Variants in SGK2 observed in about 807,000 individuals in gnomAD.
SGK2 encodes the protein serum/glucocorticoid regulated kinase 2.
A neutral mutation model predicts 47.5 loss-of-function variants in SGK2; 36 were observed. That is an observed-to-expected ratio of 0.76 (90% CI 0.58 to 1.00). SGK2 has a LOEUF of 1.00. SGK2 is among the 50% of genes least tolerant of loss of function. The pLI is 0.00. For synonymous variants in SGK2, 157 were observed against 181.9 expected (o/e 0.86, Z 1.10); for missense variants, 404 against 467.4 (o/e 0.86, Z 1.25).
At chr20:43,581,330 TGGCTGC>T (rs1980785777) in intron 12 of SGK2, among the ~76,000 whole-genome samples, 1 of 152,174 alleles carries the variant, frequency 6.6e-6, no homozygotes, top group Non-Finnish European at 1.5e-5. Context: ...CAATTTTTAG[TGGCTGC>T]ATAATATTTC....
rs1282857735 is a variant in SGK2 at position 43,572,676 on chromosome 20, T to A, written c.597+539T>A. 6.6e-6 allele frequency among the ~76,000 whole-genome samples: 1 copy of A among 150,908 alleles called. No homozygotes were observed. Among genetic ancestry groups the A allele is most frequent in the Non-Finnish European group, 1.5e-5 (1 of 67,766 alleles). The stretch of plus-strand genomic sequence containing the variant: ...TGGGCAACAAGAGTGAAACTCCATC[T>A]CAAAAAAAAAGAAAAAAGAAAGAAA... On this transcript the variant is annotated intron_variant, in intron 9 of 12. Transcript: ENST00000373100. The surrounding 1 kb of genome is among the most constrained non-coding windows in gnomAD (Gnocchi z 4.2).
In SGK2 at chr20:43,574,907, A is replaced by G. The variant is rs1268680910; in HGVS notation, c.598-2A>G. 3 of 1,611,462 alleles carry G rather than the reference A, an allele frequency of 1.9e-6. No individual in the cohort carries two copies. The highest frequency in any genetic ancestry group is 3.3e-5 in the Admixed American group (2 of 59,990). ...TCAAATAAGTGTGTTTCCTTCTAACAGTACTTGGCACCTGAAGTGCTTCGG... is the reference window on the plus strand; with the variant it reads ...TCAAATAAGTGTGTTTCCTTCTAACGGTACTTGGCACCTGAAGTGCTTCGG... On this transcript the variant is annotated splice_acceptor_variant, in intron 9 of 12. Coordinates refer to ENST00000373100, the MANE Select transcript of SGK2 (RefSeq NM_170693.3). LOFTEE classifies it high-confidence loss of function.
At chr20:43,571,808 C>T (rs1980149809) in intron 8 of SGK2, among the ~76,000 whole-genome samples, 1 of 152,140 alleles carries the variant, frequency 6.6e-6, no homozygotes, top group Non-Finnish European at 1.5e-5. Flanking sequence ...CTGCCACTGT[C>T]GTAGGGGTGG....
chr20:43,584,889 T>A lies in SGK2; in HGVS notation c.977T>A (p.Phe326Tyr). The A allele has an allele frequency of 6.2e-7, 1 of 1,614,098 alleles. No homozygotes were observed. The highest frequency in any genetic ancestry group is 8.5e-7 in the Non-Finnish European group (1 of 1,179,972). ...PADLKHFDPE[F>Y]TQEAVSKSIG... ...GACTTGAAGCATTTTGACCCAGAGT[T>A]CACCCAGGAAGCTGTGTCCAAGTCC... The change falls in exon 13 of 13, where the codon TTC (phenylalanine) becomes TAC (tyrosine). Residue 326 changes from phenylalanine (F) to tyrosine (Y), a missense_variant. Phe to Tyr is a conservative substitution (Grantham distance 22). Transcript: ENST00000373100.
rs5841511 is a variant in SGK2 at position 43,573,489 on chromosome 20, C to CAA, written c.597+1371_597+1372dup. Among the ~76,000 whole-genome samples the CAA allele has an allele frequency of 4.9e-3, 541 of 110,516 alleles. 9 individuals carry two copies. The highest frequency in any genetic ancestry group is 0.019 in the Middle Eastern group (4 of 210). 72.5% of individuals were successfully genotyped at this position (110,516 alleles called of 152,430 possible). ...GGTGGACAAGAGCGAGACTCTGTCT[C>CAA]AAAAAAAAAAAAAAAAAAAACTTTA... On this transcript the variant is annotated intron_variant, in intron 9 of 12. Transcript: ENST00000373100.
At chr20:43,566,928 C>T (rs569078209) in intron 2 of SGK2, 140 bp from the exon 3 acceptor site, 66 of 632,980 alleles carry the variant, frequency 1.0e-4, no homozygotes, top group Non-Finnish European at 1.2e-4. Flanking sequence ...GGCGGGCAGG[C>T]GGGCAGGTGA....
In SGK2 at chr20:43,572,459, TGAGGTCAG is replaced by T. The variant is rs774303431; in HGVS notation, c.597+326_597+333del. On this transcript the variant is annotated intron_variant, in intron 9 of 12. Transcript: ENST00000373100. This position sits in a 1 kb window ranked among gnomAD's most constrained non-coding sequence, Gnocchi z 4.2. ...GGGAGGCTGAGGTGGGCAGATCACCTGAGGTCAGGAGTTTGAGACCAGCCTGGGTAACA... is the reference window on the plus strand; with the variant it reads ...GGGAGGCTGAGGTGGGCAGATCACCTGAGTTTGAGACCAGCCTGGGTAACA... Among the ~76,000 whole-genome samples, 7 of 152,210 alleles carry T rather than the reference TGAGGTCAG, an allele frequency of 4.6e-5. No individual in the cohort carries two copies. In the East Asian group the frequency reaches 1.2e-3, roughly 25 times the overall value.
intron 1 of SGK2, among the ~76,000 whole-genome samples, chr20:43,561,399 T>G (rs1174159994): frequency 6.7e-6 from 1 of 148,800 alleles, no homozygotes; most frequent in Non-Finnish European, 1.5e-5. Context: ...TTTTTTTTTT[T>G]TTTTTTTTTG....
intron 5 of SGK2, 87 bp from the exon 6 acceptor site, chr20:43,569,298 C>T: frequency 6.5e-7 from 1 of 1,534,054 alleles, no homozygotes; most frequent in Non-Finnish European, 8.9e-7. Context: ...TAGGATGACC[C>T]CCACCCACAA....
intron 5 of SGK2, 52 bp downstream of exon 5, chr20:43,568,051 C>T: frequency 6.7e-7 from 1 of 1,500,626 alleles, no homozygotes. Flanking sequence ...AAGCCGCAGC[C>T]TAGGGTGGCT....
chr20:43,574,925 T>A lies in SGK2; in HGVS notation c.614T>A (p.Val205Glu). The A allele has an allele frequency of 6.2e-7, 1 of 1,613,594 alleles. No individual in the cohort carries two copies. Among genetic ancestry groups the A allele is most frequent in the Non-Finnish European group, 8.5e-7 (1 of 1,179,612 alleles). Residue 205 changes from valine to glutamate, a missense_variant, in exon 10 of 13, where the codon GTG (valine) becomes GAG (glutamate). Val to Glu is a moderately radical substitution (Grantham distance 121, BLOSUM62 -2). Coordinates refer to ENST00000373100, the MANE Select transcript of SGK2 (RefSeq NM_170693.3). ...TTCTAACAGTACTTGGCACCTGAAG[T>A]GCTTCGGAAAGAGCCTTATGATCGA... ...CGTPEYLAPEVLRKEPYDRAV... is the reference protein window; with the variant it reads ...CGTPEYLAPEELRKEPYDRAV...
At chr20:43,581,567 T>C (rs937742747) in intron 12 of SGK2, among the ~76,000 whole-genome samples, 1 of 152,226 alleles carries the variant, frequency 6.6e-6, no homozygotes, top group Non-Finnish European at 1.5e-5. Flanking sequence ...TTATTTATTT[T>C]TTTGAGACAG....
intron 11 of SGK2, among the ~76,000 whole-genome samples, chr20:43,576,677 C>T (rs1600997510): frequency 6.6e-6 from 1 of 152,236 alleles, no homozygotes; most frequent in Admixed American, 6.5e-5. Context: ...GCGGCATACA[C>T]GCCTGTAATC....
intron 11 of SGK2, among the ~76,000 whole-genome samples, chr20:43,579,013 T>C (rs1404481001): frequency 0.034 from 81 of 2,348 alleles, no homozygotes; most frequent in African/African-American, 0.1. Context: ...TTCGGAGGCT[T>C]TTTTTTTTTT....
intron 1 of SGK2, among the ~76,000 whole-genome samples, chr20:43,560,296 T>C (rs151116537): frequency 0.037 from 5,560 of 152,170 alleles, 316 homozygotes; most frequent in African/African-American, 0.13. Context: ...GTCAGGAGTT[T>C]GAGACCAGCC....
chr20:43,581,584 G>A (rs540280398), intron 12 of SGK2, among the ~76,000 whole-genome samples: 6 of 151,894 alleles, frequency 4.0e-5, no homozygotes, highest in South Asian at 2.1e-4. Flanking sequence ...ACAGAGTCTC[G>A]TTCGATCGCC....
chr20:43,582,957 A>G (rs775269510), intron 12 of SGK2, among the ~76,000 whole-genome samples: 3 of 152,130 alleles, frequency 2.0e-5, no homozygotes, highest in Non-Finnish European at 2.9e-5. Flanking sequence ...TGGCCTCCCA[A>G]AGTGCTAGTT....
chr20:43,567,793 T>G, intron 4 of SGK2, 71 bp downstream of exon 4: 7 of 1,569,798 alleles, frequency 4.5e-6, no homozygotes, highest in Non-Finnish European at 6.1e-6. Flanking sequence ...CTGCTGCCAC[T>G]TGTATGTATG....
At chr20:43,584,774 A>C in intron 12 of SGK2, 78 bp from the exon 13 acceptor site, 2 of 1,179,578 alleles carry the variant, frequency 1.7e-6, no homozygotes, top group Non-Finnish European at 2.5e-6. Context: ...GAGGCCTGAC[A>C]TCCCTCTCTG....
Sources: gnomAD v4.1 joint callset for allele counts (sites outside exome capture counted in the v4.1 genomes callset) on GRCh38, gnomAD v4.1.1 for gene constraint, Gnocchi (gnomAD v3.1) non-coding constraint, MANE v1.5 for transcripts, NCBI Gene and HGNC (gene_info 2026-07-23, HGNC 2026-07-21) for gene names.